The following SS18 variants were observed in gnomAD, a reference collection of about 807,000 sequenced individuals.
SS18 encodes protein SSXT.
In SS18, 28 loss-of-function variants were observed where a neutral mutation model predicts 72.5. The ratio of observed to expected loss-of-function variants is 0.39; its 90% CI spans 0.29 to 0.53. The LOEUF (loss-of-function observed/expected upper bound fraction) is 0.53. SS18 is among the 20% of genes least tolerant of loss of function. The pLI, the probability that SS18 is intolerant of heterozygous loss-of-function variation, is 0.76. For synonymous variants in SS18, 172 were observed against 164.2 expected, an observed-to-expected ratio of 1.05 and a Z score of -0.37; for missense variants, 518 against 535.3, an observed-to-expected ratio of 0.97 and a Z score of 0.32.
At chr18:26,057,309 G>C (rs1418055196) in intron 4 of SS18, among the ~76,000 whole-genome samples, 1 of 152,090 alleles carries the variant, frequency 6.6e-6, no homozygotes, top group African/African-American at 2.4e-5. Context: ...TTTCCAAAAA[G>C]CTTCTAAAGC....
In SS18 at chr18:26,035,898, T is replaced by C. The variant is rs1053794852; in HGVS notation, c.906A>G (p.Gln302=). ...PDGHNDYGYQ[Q]PSYPEQGYDR... ...CGTAGCCTTGTTCAGGATACGACGG[T>C]TGCTGATAACCGTAATCATTATGAC... The change falls in exon 8 of 11, where the codon CAA becomes CAG. Residue 302 remains glutamine, a synonymous_variant. Coordinates refer to ENST00000415083, the MANE Select transcript of SS18 (RefSeq NM_001007559.3). This position sits in a 1 kb window ranked among gnomAD's most constrained non-coding sequence, Gnocchi z 4.4. 3 of 1,601,094 alleles carry C rather than the reference T, an allele frequency of 1.9e-6. No individual in the cohort carries two copies. Among genetic ancestry groups the C allele is most frequent in the Non-Finnish European group, 2.6e-6 (3 of 1,172,312 alleles).
At chr18:26,019,789 C>CAAAAAAA (rs869179852) in intron 10 of SS18, among the ~76,000 whole-genome samples, 1 of 62,542 alleles carries the variant, frequency 1.6e-5, no homozygotes, top group African/African-American at 5.7e-5. Flanking sequence ...AACTCTGTCT[C>CAAAAAAA]AAAAAAAAAA....
At chr18:26,061,628 T>C (rs1273671013) in intron 3 of SS18, among the ~76,000 whole-genome samples, 1 of 150,388 alleles carries the variant, frequency 6.6e-6, no homozygotes, top group Non-Finnish European at 1.5e-5. Context: ...AAAATGAAGA[T>C]GACAAAATGA....
intron 2 of SS18, among the ~76,000 whole-genome samples, chr18:26,086,660 C>A (rs1174665335): frequency 6.6e-6 from 1 of 152,188 alleles, no homozygotes; most frequent in East Asian, 1.9e-4. Flanking sequence ...TCTACCACAT[C>A]AGATTCTATT....
chr18:26,053,876 T>C (rs2053966189), intron 4 of SS18, among the ~76,000 whole-genome samples: 1 of 152,184 alleles, frequency 6.6e-6, no homozygotes, highest in Non-Finnish European at 1.5e-5. Context: ...TCATGGGGAA[T>C]CAAGCTTGTG....
intron 2 of SS18, among the ~76,000 whole-genome samples, chr18:26,081,712 A>G (rs1025000923): frequency 7.5e-4 from 112 of 148,966 alleles, no homozygotes; most frequent in African/African-American, 2.8e-3. Flanking sequence ...TTCTATATAT[A>G]GTTACGTTTC....
chr18:26,076,278 A>G (rs2054410382), intron 3 of SS18, among the ~76,000 whole-genome samples: 1 of 151,874 alleles, frequency 6.6e-6, no homozygotes, highest in Admixed American at 6.5e-5. Flanking sequence ...TTGGAAAAAA[A>G]AAAAAGGAAT....
At chr18:26,066,126 T>A (rs915116108) in intron 3 of SS18, among the ~76,000 whole-genome samples, 1 of 152,066 alleles carries the variant, frequency 6.6e-6, no homozygotes, top group East Asian at 1.9e-4. Flanking sequence ...ACGGCTGTAA[T>A]TTCAAATGTG....
Position 26,032,500 on chromosome 18 carries a change from G to C in SS18, c.1129C>G (p.Pro377Ala). Residue 377 changes from proline (P) to alanine (A), a missense_variant, in exon 10 of 11, where the codon CCT becomes GCT. By Grantham distance (27) the Pro-to-Ala change is conservative (BLOSUM62 -1). Coordinates refer to ENST00000415083, the MANE Select transcript of SS18 (RefSeq NM_001007559.3). Reference sequence around the variant, plus strand: ...TGACCTTGTCCCTGTGGGTAGTTAGGATACTGAGGACCTGGACCACCCTGT... The same window carrying C: ...TGACCTTGTCCCTGTGGGTAGTTAGCATACTGAGGACCTGGACCACCCTGT... ...PSQGGPGPQY[P>A]NYPQGQGQQY... 6.2e-7 allele frequency: 1 copy of C among 1,613,750 alleles called. No individual in the cohort carries two copies. Among genetic ancestry groups the C allele is most frequent in the Non-Finnish European group, 8.5e-7 (1 of 1,179,828 alleles).
chr18:26,018,439 GATT>G, intron 10 of SS18, 59 bp from the exon 11 acceptor site: 11 of 1,292,686 alleles, frequency 8.5e-6, no homozygotes, highest in Non-Finnish European at 1.2e-5. Flanking sequence ...AGGCAAAGAA[GATT>G]ACAAACGAAT....
chr18:26,054,106 C>T (rs927234877), intron 4 of SS18, among the ~76,000 whole-genome samples: 2 of 152,148 alleles, frequency 1.3e-5, no homozygotes, highest in African/African-American at 4.8e-5. Flanking sequence ...ATTACATGTA[C>T]TGCCTAACAC....
At chr18:26,061,051 C>T (rs918663744) in intron 3 of SS18, among the ~76,000 whole-genome samples, 1 of 151,840 alleles carries the variant, frequency 6.6e-6, no homozygotes, top group Non-Finnish European at 1.5e-5. Flanking sequence ...CGGTGGCCCA[C>T]GCCTGTAATC....
chr18:26,044,575 C>T (rs1224087946), intron 5 of SS18, among the ~76,000 whole-genome samples: 1 of 151,824 alleles, frequency 6.6e-6, no homozygotes. Flanking sequence ...CCACCCACCT[C>T]GGCATCCCAA....
intron 10 of SS18, among the ~76,000 whole-genome samples, chr18:26,024,003 A>G (rs1166225737): frequency 6.6e-6 from 1 of 152,202 alleles, no homozygotes; most frequent in Non-Finnish European, 1.5e-5. Flanking sequence ...ATGTATAGGC[A>G]TACTATCACT....
chr18:26,090,811 C>A, upstream of SS18: 1 of 576,698 alleles, frequency 1.7e-6, no homozygotes, highest in African/African-American at 1.9e-5. Context: ...TCCCTGCATC[C>A]CCCGAGCTCT....
rs2053667768 is a variant in SS18 at position 26,038,674 on chromosome 18, C to T, written c.776-15G>A. The T allele has an allele frequency of 1.3e-6, 2 of 1,595,742 alleles. No individual in the cohort carries two copies. Among genetic ancestry groups the T allele is most frequent in the Admixed American group, 3.3e-5 (2 of 59,918 alleles). ...CTGTGGTGGGCCTGAAAAACCACAACCAGTCAAGATATAAATAATGTGTTC... is the reference window on the plus strand; with the variant it reads ...CTGTGGTGGGCCTGAAAAACCACAATCAGTCAAGATATAAATAATGTGTTC... On this transcript the variant is annotated splice_polypyrimidine_tract_variant and intron_variant, in intron 6 of 10. Transcript: ENST00000415083.
At chr18:26,059,294 T>C (rs2144029447) in intron 3 of SS18, among the ~76,000 whole-genome samples, 1 of 152,320 alleles carries the variant, frequency 6.6e-6, no homozygotes, top group Middle Eastern at 3.4e-3. Context: ...ACAATTATCT[T>C]GGCTTTTTCC....
At chr18:26,075,162 A>G (rs2054389787) in intron 3 of SS18, among the ~76,000 whole-genome samples, 1 of 151,990 alleles carries the variant, frequency 6.6e-6, no homozygotes, top group Non-Finnish European at 1.5e-5. Context: ...ACAAAGAAAT[A>G]GAAATATTAT....
intron 7 of SS18, among the ~76,000 whole-genome samples, chr18:26,037,449 T>C (rs973500840): frequency 2.0e-5 from 3 of 152,092 alleles, no homozygotes; most frequent in African/African-American, 7.2e-5. Flanking sequence ...TCTACAACAA[T>C]CTTACTAAAG....
Sources: gnomAD v4.1 joint callset for allele counts (sites outside exome capture counted in the v4.1 genomes callset) on GRCh38, gnomAD v4.1.1 for gene constraint, Gnocchi (gnomAD v3.1) non-coding constraint, MANE v1.5 for transcripts, NCBI Gene and HGNC (gene_info 2026-07-23, HGNC 2026-07-21) for gene names.